Variants in ZNF430 observed in about 807,000 individuals in gnomAD.
ZNF430 encodes zinc finger protein 430.
A neutral mutation model predicts 56.7 loss-of-function variants in ZNF430; 35 were observed. That is an observed-to-expected ratio of 0.62 (90% confidence interval 0.47 to 0.82). ZNF430 has a LOEUF of 0.82. Ranked by LOEUF, ZNF430 falls within the 40% of genes least tolerant of loss-of-function variation. The pLI, the probability that ZNF430 is intolerant of heterozygous loss-of-function variation, is 0.00. For missense variants in ZNF430, 574 were observed against 661.0 expected (o/e 0.87, Z 1.44); for synonymous variants, 212 against 224.3 (o/e 0.94, Z 0.49).
intron 1 of ZNF430, among the ~76,000 whole-genome samples, chr19:21,021,494 G>A (rs1967685263): frequency 6.6e-6 from 1 of 151,410 alleles, no homozygotes. Context: ...GCAAGACTCC[G>A]TCTCGGAAAA....
Position 21,057,963 on chromosome 19 carries a change from A to G in ZNF430, c.1655A>G (p.Gln552Arg), listed in dbSNP as rs778512927. Residue 552 changes from glutamine (Q) to arginine (R), a missense_variant, in exon 5 of 5, where the codon CAG (glutamine) becomes CGG (arginine). Gln to Arg is a conservative substitution (Grantham distance 43, BLOSUM62 1). Coordinates refer to ENST00000261560, the MANE Select transcript of ZNF430 (RefSeq NM_025189.4). ...GAAGAATACGGCAAAGCTTTCAACC[A>G]GTCCTCAAACCTTATTGAACAAAGT... ...NCEEYGKAFN[Q>R]SSNLIEQSNS... The G allele has an allele frequency of 1.5e-5, 24 of 1,611,892 alleles. No individual in the cohort carries two copies. The highest frequency in any genetic ancestry group is 1.3e-5 in the Non-Finnish European group (15 of 1,179,164).
intron 4 of ZNF430, among the ~76,000 whole-genome samples, chr19:21,041,679 GTGTGTGTTGTTCCCCTC>G (rs1968104869): frequency 6.6e-6 from 1 of 151,156 alleles, no homozygotes; most frequent in South Asian, 2.1e-4. Flanking sequence ...ACAGGTTCCA[GTGTGTGTTGTTCCCCTC>G]TATGTGTCCA....
chr19:21,026,376 A>G lies in ZNF430; in HGVS notation c.96+3495A>G, dbSNP rs1361909569. Among the ~76,000 whole-genome samples, 3 of 151,668 alleles carry G rather than the reference A, an allele frequency of 2.0e-5. No homozygotes were observed. In the East Asian group the frequency reaches 5.8e-4, roughly 29 times the overall value. ...GCCAGTTTTTGTATTTTTAGTAGAGATGGAGTTTCACCATGTTGATCAGGC... is the reference window on the plus strand; with the variant it reads ...GCCAGTTTTTGTATTTTTAGTAGAGGTGGAGTTTCACCATGTTGATCAGGC... On this transcript the variant is annotated intron_variant, in intron 2 of 4. Transcript: ENST00000261560.
chr19:21,033,279 G>A (rs538391499), intron 2 of ZNF430, among the ~76,000 whole-genome samples, 177 bp from the exon 3 acceptor site: 7 of 151,858 alleles, frequency 4.6e-5, no homozygotes, highest in Non-Finnish European at 8.8e-5. Context: ...GCTTGACGCC[G>A]GGATGCAGAG....
At chr19:21,052,615 A>G (rs1391803094) in intron 4 of ZNF430, among the ~76,000 whole-genome samples, 1 of 152,196 alleles carries the variant, frequency 6.6e-6, no homozygotes, top group Non-Finnish European at 1.5e-5. Context: ...TTTATAAACT[A>G]TGACAGTTTT....
At chr19:21,045,674 A>C (rs1968175975) in intron 4 of ZNF430, among the ~76,000 whole-genome samples, 1 of 152,136 alleles carries the variant, frequency 6.6e-6, no homozygotes, top group Admixed American at 6.5e-5. Context: ...AGGGTGTTAA[A>C]GTCTCCCACT....
At chr19:21,024,673 G>C (rs372359686) in intron 2 of ZNF430, among the ~76,000 whole-genome samples, 1 of 151,980 alleles carries the variant, frequency 6.6e-6, no homozygotes, top group Non-Finnish European at 1.5e-5. Context: ...CCAGCTACTC[G>C]GGAGGCTGAG....
intron 4 of ZNF430, among the ~76,000 whole-genome samples, chr19:21,038,420 G>A (rs1349740169): frequency 1.3e-5 from 2 of 151,820 alleles, no homozygotes; most frequent in East Asian, 3.9e-4. Flanking sequence ...TGTTACTGTA[G>A]CTTCTAATTT....
rs762677389 is a variant in ZNF430, at chr19:21,020,750, GGTA to G, written c.-50_-48del. On this transcript the variant is annotated 5_prime_UTR_variant, in exon 1 of 5. Coordinates refer to ENST00000261560, the MANE Select transcript of ZNF430 (RefSeq NM_025189.4). Reference sequence around the variant, plus strand: ...AGGCTCTGTGGCCCTGTGACCCGCAGGTATTGGGAGATCTACAGCTAAGACGCC... The same window carrying G: ...AGGCTCTGTGGCCCTGTGACCCGCAGTTGGGAGATCTACAGCTAAGACGCC... 12 of 1,612,252 alleles carry G rather than the reference GGTA, an allele frequency of 7.4e-6. No homozygotes were observed. The highest frequency in any genetic ancestry group is 1.7e-5 in the Admixed American group (1 of 59,972).
At chr19:21,040,543 C>A (rs985067732) in intron 4 of ZNF430, among the ~76,000 whole-genome samples, 11 of 152,274 alleles carry the variant, frequency 7.2e-5, no homozygotes, top group African/African-American at 2.6e-4. Context: ...TTTCCTGAGA[C>A]CCTCACCAGA....
chr19:21,028,200 G>A (rs1399030192), intron 2 of ZNF430, among the ~76,000 whole-genome samples: 2 of 152,190 alleles, frequency 1.3e-5, no homozygotes, highest in Non-Finnish European at 2.9e-5. Flanking sequence ...ACATCTTAAA[G>A]CCCCCTTTGA....
chr19:21,033,806 G>C, intron 3 of ZNF430: 1 of 549,984 alleles, frequency 1.8e-6, no homozygotes, highest in East Asian at 3.4e-5. Flanking sequence ...CTTCACTCTA[G>C]ATTAGTGGCA....
Position 21,020,717 on chromosome 19 carries a change from A to T in ZNF430, c.-84A>T. The stretch of plus-strand genomic sequence containing the variant: ...TCAGCGCTCTGTGTCCTCTGCTCCT[A>T]GAGGTCCAGGCTCTGTGGCCCTGTG... On this transcript the variant is annotated 5_prime_UTR_variant, in exon 1 of 5. Coordinates refer to ENST00000261560, the MANE Select transcript of ZNF430 (RefSeq NM_025189.4). The T allele has an allele frequency of 6.3e-7, 1 of 1,575,964 alleles. No individual in the cohort carries two copies. Among genetic ancestry groups the T allele is most frequent in the Non-Finnish European group, 8.7e-7 (1 of 1,146,988 alleles).
chr19:21,025,411 G>T (rs915464554), intron 2 of ZNF430, among the ~76,000 whole-genome samples: 1 of 152,068 alleles, frequency 6.6e-6, no homozygotes, highest in Non-Finnish European at 1.5e-5. Context: ...CTTCTTTACT[G>T]CAACCTGTTT....
At chr19:21,047,820 A>G (rs1017304959) in intron 4 of ZNF430, among the ~76,000 whole-genome samples, 5 of 152,196 alleles carry the variant, frequency 3.3e-5, no homozygotes, top group East Asian at 1.9e-4. Context: ...GTCAGGATGC[A>G]TGAGATCTGG....
chr19:21,048,743 T>G (rs1369802133), intron 4 of ZNF430, among the ~76,000 whole-genome samples: 1 of 151,844 alleles, frequency 6.6e-6, no homozygotes, highest in Non-Finnish European at 1.5e-5. Flanking sequence ...GGCTCCTCAC[T>G]TCCCAGAAGG....
At chr19:21,043,961 T>C (rs112981291) in intron 4 of ZNF430, among the ~76,000 whole-genome samples, 10,615 of 131,026 alleles carry the variant, frequency 0.081, 454 homozygotes, top group Non-Finnish European at 0.098. Context: ...GAGACTTTGC[T>C]GAAGCTTCTT....
chr19:21,030,025 C>A (rs1967872347), intron 2 of ZNF430, among the ~76,000 whole-genome samples: 1 of 151,890 alleles, frequency 6.6e-6, no homozygotes, highest in African/African-American at 2.4e-5. Context: ...CTGGTGCTCA[C>A]AATTTTCTGA....
chr19:21,026,588 A>G (rs753717902), intron 2 of ZNF430, among the ~76,000 whole-genome samples: 4 of 152,086 alleles, frequency 2.6e-5, no homozygotes, highest in African/African-American at 7.2e-5. Context: ...TTTTGTGGCA[A>G]TTGTGAATGG....
Sources: allele counts gnomAD v4.1 joint callset (sites outside exome capture counted in the v4.1 genomes callset), GRCh38; gene constraint gnomAD v4.1.1; transcripts MANE v1.5; gene names NCBI Gene and HGNC (gene_info 2026-07-23, HGNC 2026-07-21).